IQCK: variants seen among roughly 807,000 people sequenced by gnomAD.
IQCK encodes IQ motif containing K, also known as IQ domain-containing protein K.
In IQCK, 29 loss-of-function variants were observed where a neutral mutation model predicts 28.1. The observed-to-expected ratio is 1.03, with a 90% CI of 0.77 to 1.41. The LOEUF (loss-of-function observed/expected upper bound fraction) is 1.41, where lower values mean the gene tolerates loss of function less well. Among genes scored for constraint, IQCK ranks in the 40% most tolerant of loss-of-function variants. The probability of loss-of-function intolerance (pLI) is 0.00; values close to 1 mark genes in which losing one functional copy is unlikely to be tolerated. For synonymous variants in IQCK, 113 were observed against 115.1 expected, an observed-to-expected ratio of 0.98 and a Z score of 0.12; for missense variants, 359 against 314.7, an observed-to-expected ratio of 1.14 and a Z score of -1.07.
intron 4 of IQCK, among the ~76,000 whole-genome samples, chr16:19,745,500 TA>T (rs923964140): frequency 2.0e-5 from 3 of 152,142 alleles, no homozygotes; most frequent in African/African-American, 7.2e-5. Flanking sequence ...GGTTTTATTT[TA>T]AAAGCAGTTG....
intron 7 of IQCK, among the ~76,000 whole-genome samples, chr16:19,811,949 C>T (rs1428169406): frequency 6.6e-6 from 1 of 151,206 alleles, no homozygotes; most frequent in African/African-American, 2.4e-5. Flanking sequence ...CTTCAGTGAT[C>T]TCAGTGTCAT....
At chr16:19,738,126 T>A (rs950231904) in intron 4 of IQCK, among the ~76,000 whole-genome samples, 2 of 152,260 alleles carry the variant, frequency 1.3e-5, no homozygotes, top group South Asian at 4.1e-4. Flanking sequence ...ATTCTCTGAT[T>A]TATTTTTATA....
At chr16:19,802,879 A>G (rs1176750268) in intron 7 of IQCK, among the ~76,000 whole-genome samples, 1 of 152,178 alleles carries the variant, frequency 6.6e-6, no homozygotes, top group Admixed American at 6.5e-5. Flanking sequence ...GAACCCAGCA[A>G]GAGGAGAAAC....
intron 1 of IQCK, among the ~76,000 whole-genome samples, chr16:19,727,148 GAAAGA>G (rs1196788423): frequency 2.7e-5 from 4 of 147,314 alleles, no homozygotes; most frequent in Admixed American, 6.7e-5. Flanking sequence ...AAAAAAGAAA[GAAAGA>G]AAAGAAAAGA....
chr16:19,857,124 T>C (rs1038637488), exon 10 of IQCK: 7 of 201,914 alleles, frequency 3.5e-5, no homozygotes, highest in Admixed American at 1.2e-4. Context: ...TCCCAAAGTA[T>C]TATATAGAAA....
chr16:19,718,535 C>G, intron 1 of IQCK, 48 bp downstream of exon 1: 1 of 1,482,828 alleles, frequency 6.7e-7, no homozygotes, highest in Middle Eastern at 1.9e-4. Flanking sequence ...GGCGGCCGGA[C>G]GGGGGCCGCG....
intron 1 of IQCK, among the ~76,000 whole-genome samples, chr16:19,720,804 G>A (rs1977468629): frequency 6.6e-6 from 1 of 152,144 alleles, no homozygotes; most frequent in Admixed American, 6.5e-5. Flanking sequence ...ATCACCTGCG[G>A]TCAGGAATTG....
intron 4 of IQCK, among the ~76,000 whole-genome samples, chr16:19,752,187 T>G (rs1450405945): frequency 6.6e-6 from 1 of 152,220 alleles, no homozygotes; most frequent in African/African-American, 2.4e-5. Flanking sequence ...TGCCTTTGGA[T>G]TAGCTTAATT....
chr16:19,814,941 C>A (rs1341351968), intron 7 of IQCK, among the ~76,000 whole-genome samples: 1 of 151,900 alleles, frequency 6.6e-6, no homozygotes. Flanking sequence ...CATGCACCAC[C>A]ACACTTGTCT....
rs531952594 is a variant in IQCK, at chr16:19,733,926, A to G, written c.376+99A>G. ...CGGACAGATGGACCTCAGGGAGACC[A>G]CATACATAAGAAAGAATGTGTTCTT... On this transcript the variant is annotated intron_variant, in intron 3 of 7. Coordinates refer to ENST00000564186, the Ensembl canonical transcript of IQCK. The G allele has an allele frequency of 2.8e-4, 312 of 1,102,780 alleles. 5 individuals are homozygous for G. In the South Asian group the frequency reaches 4.8e-3, roughly 17 times the overall value. The allele number at this position is 1,102,780 out of a possible 1,614,324, so 68.3% of individuals were successfully genotyped here.
chr16:19,719,590 CAA>C (rs564160103), intron 1 of IQCK, among the ~76,000 whole-genome samples: 3 of 129,848 alleles, frequency 2.3e-5, no homozygotes, highest in Non-Finnish European at 3.4e-5. Context: ...ACTCCATCCC[CAA>C]AAAAAAAAAA....
chr16:19,776,158 G>T (rs981698535), intron 6 of IQCK, among the ~76,000 whole-genome samples: 9 of 152,090 alleles, frequency 5.9e-5, no homozygotes, highest in African/African-American at 2.2e-4. Context: ...TGGGATTACA[G>T]GCATGAGCCA....
intron 7 of IQCK, among the ~76,000 whole-genome samples, chr16:19,800,966 T>G (rs1419711849): frequency 1.7e-5 from 2 of 119,044 alleles, no homozygotes; most frequent in Non-Finnish European, 3.1e-5. Flanking sequence ...CTTAGACTAT[T>G]TTTTCTGAGC....
intron 9 of IQCK, among the ~76,000 whole-genome samples, chr16:19,846,146 T>G (rs2056413332): frequency 6.6e-6 from 1 of 152,254 alleles, no homozygotes; most frequent in South Asian, 2.1e-4. Context: ...GTTTCATCCT[T>G]GAATTCTACC....
At chr16:19,813,617 G>T (rs78263419) in intron 7 of IQCK, among the ~76,000 whole-genome samples, 4 of 152,232 alleles carry the variant, frequency 2.6e-5, no homozygotes, top group Admixed American at 1.3e-4. Flanking sequence ...AACACATCTC[G>T]CATTGAAAGA....
chr16:19,789,932 TC>T (rs2055597877), intron 7 of IQCK, among the ~76,000 whole-genome samples: 3 of 111,468 alleles, frequency 2.7e-5, no homozygotes, highest in Admixed American at 2.3e-4. Context: ...AAGCTCCTGA[TC>T]CTGGCTGTGC....
At position 19,762,636 on chromosome 16, in the gene IQCK, T is replaced by C. The variant is rs142722266; in HGVS notation, c.475-1212T>C. 1.9e-4 allele frequency among the ~76,000 whole-genome samples: 29 copies of C among 152,266 alleles called. No individual in the cohort carries two copies. The East Asian group carries it at 5.0e-3, about 26-fold the overall frequency. ...GCAATCAATTAACCTCCCTTCCTTT[T>C]TCCTACTCAGACATGGGCAAAGTAA... is the stretch of plus-strand genomic sequence containing the variant. On this transcript the variant is annotated intron_variant, in intron 4 of 7. Coordinates refer to ENST00000564186, the Ensembl canonical transcript of IQCK.
intron 4 of IQCK, among the ~76,000 whole-genome samples, 161 bp from the exon 5 acceptor site, chr16:19,763,686 AC>A (rs1465441996): frequency 6.6e-6 from 1 of 151,832 alleles, no homozygotes; most frequent in East Asian, 1.9e-4. Flanking sequence ...CAAGTGATCC[AC>A]CCGCCTCGGT....
intron 7 of IQCK, among the ~76,000 whole-genome samples, chr16:19,803,794 A>G (rs1343431990): frequency 6.6e-6 from 1 of 152,106 alleles, no homozygotes; most frequent in Non-Finnish European, 1.5e-5. Context: ...ATAGGGCTAC[A>G]GTTGTACACC....
Sources: gnomAD v4.1 joint callset for allele counts (sites outside exome capture counted in the v4.1 genomes callset) on GRCh38, gnomAD v4.1.1 for gene constraint, MANE v1.5 for transcripts, NCBI Gene and HGNC (gene_info 2026-07-23, HGNC 2026-07-21) for gene names.